Variants in DDHD1 observed in about 807,000 individuals in gnomAD.
The protein encoded by DDHD1 is DDHD domain containing 1.
Under a neutral mutation model 96.4 loss-of-function variants are expected in DDHD1, and 49 were observed. The ratio of observed to expected loss-of-function variants is 0.51; its 90% CI spans 0.40 to 0.64. DDHD1 has a LOEUF of 0.64. DDHD1 is among the 30% of genes least tolerant of loss of function. DDHD1 has a pLI of 0.00. For missense variants in DDHD1, 1,106 were observed against 1,161.2 expected (o/e 0.95, Z 0.69); for synonymous variants, 442 against 446.5 (o/e 0.99, Z 0.13).
intron 1 of DDHD1, among the ~76,000 whole-genome samples, chr14:53,151,899 A>C (rs1425736084): frequency 1.3e-5 from 2 of 152,214 alleles, no homozygotes; most frequent in Admixed American, 6.5e-5. Context: ...TAGGCTGTTT[A>C]GGGTAAATGA....
intron 1 of DDHD1, among the ~76,000 whole-genome samples, chr14:53,134,266 C>T (rs982105797): frequency 6.6e-6 from 1 of 152,110 alleles, no homozygotes; most frequent in East Asian, 1.9e-4. Context: ...TGCTGGTTTA[C>T]ACTTTTCCTC....
chr14:53,074,911 A>G (rs139082418), intron 4 of DDHD1, among the ~76,000 whole-genome samples: 86 of 152,228 alleles, frequency 5.6e-4, no homozygotes, highest in African/African-American at 2.0e-3. Context: ...AATCCTCACA[A>G]TATTTCAAAT....
chr14:53,144,353 T>C (rs909339682), intron 1 of DDHD1, among the ~76,000 whole-genome samples: 1 of 152,266 alleles, frequency 6.6e-6, no homozygotes, highest in African/African-American at 2.4e-5. Context: ...TACAGACAGG[T>C]ACACTTGTCT....
chr14:53,074,257 G>A (rs1219167061), intron 4 of DDHD1, among the ~76,000 whole-genome samples: 1 of 151,476 alleles, frequency 6.6e-6, no homozygotes, highest in Non-Finnish European at 1.5e-5. Context: ...AAAATATTAA[G>A]ATACTATAAA....
At chr14:53,069,525 ATAG>A (rs1458412015) in intron 6 of DDHD1, among the ~76,000 whole-genome samples, 2 of 152,226 alleles carry the variant, frequency 1.3e-5, no homozygotes, top group African/African-American at 4.8e-5. Flanking sequence ...TTAACAGACT[ATAG>A]TATAGTGTAA....
At position 53,051,909 on chromosome 14, in the gene DDHD1, G is replaced by A. The variant is rs1444132950; in HGVS notation, c.2456C>T (p.Ser819Leu). The change falls in exon 12 of 13, where the codon TCG becomes TTG. Residue 819 changes from serine to leucine, a missense_variant. By Grantham distance (145) the Ser-to-Leu change is moderately radical. Around this residue, in one of 2 missense-constraint regions of DDHD1, gnomAD observed 650 missense variants for 758.8 expected, o/e 0.86. Transcript: ENST00000673822. ...AAGAAGTTGTGGGAGATTAAAGAACGATTCTTGAAGTCTGAAATCTGTGAA... is the reference window on the plus strand; with the variant it reads ...AAGAAGTTGTGGGAGATTAAAGAACAATTCTTGAAGTCTGAAATCTGTGAA... ...LDSAYFRLQESFFNLPQLLFP... is the reference protein window; with the variant it reads ...LDSAYFRLQELFFNLPQLLFP... The A allele has an allele frequency of 1.3e-6, 2 of 1,590,760 alleles. No homozygotes were observed. The highest frequency in any genetic ancestry group is 1.1e-5 in the South Asian group (1 of 87,182).
intron 4 of DDHD1, among the ~76,000 whole-genome samples, chr14:53,080,989 A>G (rs1885423187): frequency 6.6e-6 from 1 of 152,164 alleles, no homozygotes. Flanking sequence ...AAATCTAGTT[A>G]TCCCAATAGT....
intron 2 of DDHD1, among the ~76,000 whole-genome samples, chr14:53,096,670 C>T (rs1886907514): frequency 6.6e-6 from 1 of 151,628 alleles, no homozygotes; most frequent in Admixed American, 6.6e-5. Flanking sequence ...GAGAAGATAC[C>T]ACAGCATACA....
At chr14:53,128,193 C>T (rs966038156) in intron 1 of DDHD1, among the ~76,000 whole-genome samples, 10 of 152,180 alleles carry the variant, frequency 6.6e-5, no homozygotes. Context: ...CAATTAAACC[C>T]CTTTCCTTTA....
chr14:53,111,385 AT>A (rs112771199), intron 1 of DDHD1, among the ~76,000 whole-genome samples: 4,289 of 147,220 alleles, frequency 0.029, 205 homozygotes, highest in African/African-American at 0.095. Context: ...CCCATAAATC[AT>A]TTTTTTTTTT....
chr14:53,056,542 C>T (rs948516463), intron 9 of DDHD1, among the ~76,000 whole-genome samples: 2 of 152,094 alleles, frequency 1.3e-5, no homozygotes, highest in African/African-American at 4.8e-5. Context: ...GGCAATCCTC[C>T]CACCTCAGCC....
intron 4 of DDHD1, among the ~76,000 whole-genome samples, chr14:53,090,713 G>A (rs538391449): frequency 8.5e-5 from 13 of 152,194 alleles, no homozygotes; most frequent in Admixed American, 5.2e-4. Flanking sequence ...ATCACACACC[G>A]GGCCCCACTG....
intron 2 of DDHD1, among the ~76,000 whole-genome samples, chr14:53,095,826 T>A (rs906925198): frequency 3.3e-5 from 5 of 152,166 alleles, no homozygotes; most frequent in Admixed American, 6.5e-5. Flanking sequence ...AACGTTAAAC[T>A]ATGAGATCAA....
At chr14:53,102,041 T>C (rs2139716467) in intron 2 of DDHD1, among the ~76,000 whole-genome samples, 1 of 152,030 alleles carries the variant, frequency 6.6e-6, no homozygotes, top group South Asian at 2.1e-4. Flanking sequence ...GAAATTCAGG[T>C]GGCTAAACTG....
At chr14:53,091,684 G>A (rs1451223360) in intron 4 of DDHD1, 101 bp downstream of exon 4, 4 of 1,280,652 alleles carry the variant, frequency 3.1e-6, no homozygotes, top group Non-Finnish European at 4.3e-6. Context: ...TGGCACTGGA[G>A]GAACATGCAG....
chr14:53,127,904 A>G (rs915441), intron 1 of DDHD1, among the ~76,000 whole-genome samples: 132,730 of 152,240 alleles, frequency 0.87, 57,954 homozygotes, highest in East Asian at 0.98. Flanking sequence ...TGGTTTGGCC[A>G]TGTCCCCACC....
intron 1 of DDHD1, 140 bp downstream of exon 1, chr14:53,152,115 TCCCTGC>T: frequency 3.8e-6 from 3 of 789,738 alleles, no homozygotes; most frequent in Admixed American, 3.6e-5. Context: ...CTGCCGACGC[TCCCTGC>T]TCAATCTCCA....
intron 4 of DDHD1, among the ~76,000 whole-genome samples, chr14:53,088,885 C>T (rs906603103): frequency 6.6e-5 from 10 of 152,160 alleles, no homozygotes; most frequent in Admixed American, 5.2e-4. Flanking sequence ...CAAATCGTCC[C>T]TACTTGCAGA....
chr14:53,087,872 G>A (rs1028430030), intron 4 of DDHD1, among the ~76,000 whole-genome samples: 4 of 152,082 alleles, frequency 2.6e-5, no homozygotes, highest in African/African-American at 7.2e-5. Flanking sequence ...ATGAATCCAG[G>A]AGCTGGTTTT....
Sources: allele counts gnomAD v4.1 joint callset (sites outside exome capture counted in the v4.1 genomes callset), GRCh38; gene constraint gnomAD v4.1.1; regional missense constraint gnomAD v4.1.1; transcripts MANE v1.5; gene names NCBI Gene and HGNC (gene_info 2026-07-23, HGNC 2026-07-21).